IL3RA: variants seen among roughly 807,000 people sequenced by gnomAD.
The protein encoded by IL3RA is interleukin-3 receptor subunit alpha.
In IL3RA, 73 loss-of-function variants were observed where a neutral mutation model predicts 52.3. The observed-to-expected ratio is 1.40, with a 90% confidence interval of 1.16 to 1.70. The LOEUF (loss-of-function observed/expected upper bound fraction) is 1.70, where lower values mean the gene tolerates loss of function less well. Ranked by LOEUF, IL3RA falls within the 40% of genes most tolerant of loss-of-function variation. The pLI, the probability that IL3RA is intolerant of heterozygous loss-of-function variation, is 0.00. For missense variants in IL3RA, 664 were observed against 504.4 expected, an observed-to-expected ratio of 1.32 and a Z score of -3.03; for synonymous variants, 260 against 194.0, an observed-to-expected ratio of 1.34 and a Z score of -2.83.
chrX:1,360,130 TCC>T, intron 8 of IL3RA, among the ~76,000 whole-genome samples: 3 of 149,670 alleles, frequency 2.0e-5, no homozygotes, highest in Admixed American at 6.7e-5. Context: ...CGTCTCTTTC[TCC>T]GTGTCTGTCT....
chrX:1,360,082 T>G (rs1301898695), intron 8 of IL3RA, among the ~76,000 whole-genome samples: 1 of 149,250 alleles, frequency 6.7e-6, no homozygotes, highest in Non-Finnish European at 1.5e-5. Context: ...TCCCTCCATC[T>G]TTCTCTCTCT....
chrX:1,377,905 G>C (rs1182405120), intron 9 of IL3RA, among the ~76,000 whole-genome samples: 1 of 149,426 alleles, frequency 6.7e-6, no homozygotes, highest in African/African-American at 2.4e-5. Context: ...AAAAAAAATA[G>C]GCCGGGTGCG....
chrX:1,344,640 G>C (rs2085647643), intron 2 of IL3RA, among the ~76,000 whole-genome samples: 1 of 150,598 alleles, frequency 6.6e-6, no homozygotes, highest in South Asian at 2.1e-4. Context: ...GGGCGTGGTG[G>C]TGGGCTCCTG....
At chrX:1,341,256 T>C (rs1275053001) in intron 1 of IL3RA, among the ~76,000 whole-genome samples, 4 of 151,478 alleles carry the variant, frequency 2.6e-5, no homozygotes, top group African/African-American at 9.7e-5. Context: ...GCCGAGATCA[T>C]GCCACTGCAC....
At chrX:1,360,458 A>G (rs1307560057) in intron 8 of IL3RA, among the ~76,000 whole-genome samples, 1 of 107,244 alleles carries the variant, frequency 9.3e-6, no homozygotes, top group East Asian at 3.1e-4. Flanking sequence ...CTCCTTGTCT[A>G]TATCTCCCCC....
chrX:1,361,614 G>C (rs2087373588), intron 8 of IL3RA, among the ~76,000 whole-genome samples: 1 of 151,900 alleles, frequency 6.6e-6, no homozygotes, highest in Non-Finnish European at 1.5e-5. Flanking sequence ...CCCAGACGTG[G>C]TGGTGGCAGG....
At chrX:1,350,575 G>T (rs1212985214) in intron 4 of IL3RA, among the ~76,000 whole-genome samples, 2 of 131,990 alleles carry the variant, frequency 1.5e-5, no homozygotes, top group African/African-American at 5.8e-5. Context: ...GGCAACAAGA[G>T]TGAAATTCCA....
intron 8 of IL3RA, among the ~76,000 whole-genome samples, chrX:1,362,030 C>T (rs1376014532): frequency 6.6e-6 from 1 of 151,898 alleles, no homozygotes. Flanking sequence ...TTTTCTTTCC[C>T]TCTCTCTGTC....
At chrX:1,346,627 AG>A (rs1443164932) in intron 3 of IL3RA, among the ~76,000 whole-genome samples, 1 of 151,406 alleles carries the variant, frequency 6.6e-6, no homozygotes, top group Non-Finnish European at 1.5e-5. Context: ...CAAAAACAAA[AG>A]CAAAAACAAA....
chrX:1,360,855 CTG>C (rs2087223132), intron 8 of IL3RA, among the ~76,000 whole-genome samples: 1 of 149,980 alleles, frequency 6.7e-6, no homozygotes, highest in Non-Finnish European at 1.5e-5. Context: ...AGCTCTCTCC[CTG>C]TCTCTCTCTC....
chrX:1,354,667 AGAG>A (rs1203347978), intron 6 of IL3RA, among the ~76,000 whole-genome samples: 1 of 55,954 alleles, frequency 1.8e-5, no homozygotes, highest in East Asian at 5.2e-4. Context: ...GAGGGGAGGA[AGAG>A]GAGGAAGAGA....
chrX:1,360,765 C>T (rs1438015570), intron 8 of IL3RA, among the ~76,000 whole-genome samples: 5 of 151,678 alleles, frequency 3.3e-5, no homozygotes, highest in East Asian at 3.9e-4. Context: ...TGACCTCAGG[C>T]GATCCACCTG....
At chrX:1,345,258 C>A in intron 2 of IL3RA, 58 bp from the exon 3 acceptor site, 6 of 1,153,814 alleles carry the variant, frequency 5.2e-6, no homozygotes, top group South Asian at 3.0e-5. Context: ...ATACCCCTTA[C>A]AATGCCGTTT....
At position 1,341,741 on chromosome X, in the gene IL3RA, C is replaced by G. The variant is rs200015918; in HGVS notation, c.-25C>G. On this transcript the variant is annotated 5_prime_UTR_variant, in exon 2 of 12. Coordinates refer to ENST00000331035, the MANE Select transcript of IL3RA (RefSeq NM_002183.4). ...TTTCTCCTGCAGCAGGCACCTCTGT[C>G]CTGCGTTCCGGAGCTGCGTTCCCGA... 3 of 1,613,432 alleles carry G rather than the reference C, an allele frequency of 1.9e-6. No homozygotes were observed. Among genetic ancestry groups the G allele is most frequent in the Admixed American group, 3.3e-5 (2 of 59,956 alleles).
In IL3RA at chrX:1,378,747, CT is replaced by C; in HGVS notation, c.965del (p.Phe322SerfsTer2). On this transcript the variant is annotated frameshift_variant, in exon 10 of 12. Coordinates refer to ENST00000331035, the MANE Select transcript of IL3RA (RefSeq NM_002183.4). LOFTEE classifies it high-confidence loss of function. ...GGACGCTGCTGGCCCTGGTCTGTGT[CT>C]TCGTGATCTGCAGAAGGTGAGCCCT... ...LGTLLALVCV[F>X]VICRRYLVMQ... 5 of 1,612,452 alleles carry C rather than the reference CT, an allele frequency of 3.1e-6. No homozygotes were observed. The South Asian group carries it at 4.4e-5, about 14-fold the overall frequency.
At chrX:1,339,578 G>T (rs1240292367) in intron 1 of IL3RA, among the ~76,000 whole-genome samples, 1 of 152,122 alleles carries the variant, frequency 6.6e-6, no homozygotes, top group Non-Finnish European at 1.5e-5. Flanking sequence ...TGGATCATGA[G>T]GTCAGGAGTT....
rs745467821 is a variant in IL3RA, at chrX:1,355,458, TAGGAGGAGGGGGAGG to T, written c.617-750_617-736del. ...GGGGAGGGGAGAAAGACCAGGAGGG[TAGGAGGAGGGGGAGG>T]AGGAGGAGGGGGCCAGGGCTGGACT... On this transcript the variant is annotated intron_variant, in intron 6 of 11. Coordinates refer to ENST00000331035, the MANE Select transcript of IL3RA (RefSeq NM_002183.4). Among the ~76,000 whole-genome samples, 207 of 17,536 alleles carry T rather than the reference TAGGAGGAGGGGGAGG, an allele frequency of 0.012. 2 individuals carry two copies. The East Asian group carries it at 0.23, about 19-fold the overall frequency. 11.5% of individuals were successfully genotyped at this position (17,536 alleles called of 152,430 possible).
intron 1 of IL3RA, among the ~76,000 whole-genome samples, chrX:1,341,124 T>A (rs749768694): frequency 4.4e-4 from 65 of 146,266 alleles, no homozygotes; most frequent in Admixed American, 6.2e-4. Flanking sequence ...TCACAAAAAA[T>A]AAATAAATAA....
chrX:1,337,523 A>G, intron 1 of IL3RA, among the ~76,000 whole-genome samples: 1 of 152,146 alleles, frequency 6.6e-6, no homozygotes, highest in African/African-American at 2.4e-5. Context: ...CCATCTATAG[A>G]TGAATGGAAA....
Sources: gnomAD v4.1 joint callset for allele counts (sites outside exome capture counted in the v4.1 genomes callset) on GRCh38, gnomAD v4.1.1 for gene constraint, MANE v1.5 for transcripts, NCBI Gene and HGNC (gene_info 2026-07-23, HGNC 2026-07-21) for gene names.